Variants in PGR observed in about 807,000 individuals in gnomAD.
The protein encoded by PGR is nuclear receptor subfamily 3 group C member 3.
In PGR, 25 loss-of-function variants were observed where a neutral mutation model predicts 76.1. The ratio of observed to expected loss-of-function variants is 0.33; its 90% confidence interval spans 0.24 to 0.46. The LOEUF (loss-of-function observed/expected upper bound fraction) is 0.46. PGR is among the 20% of genes least tolerant of loss of function. PGR has a pLI of 1.00. For missense variants in PGR, 1,172 were observed against 1,225.3 expected (o/e 0.96, Z 0.65); for synonymous variants, 579 against 535.0 (o/e 1.08, Z -1.14).
chr11:101,070,008 AAAAGT>A (rs1329080388), intron 3 of PGR, among the ~76,000 whole-genome samples: 1 of 152,098 alleles, frequency 6.6e-6, no homozygotes, highest in African/African-American at 2.4e-5. Flanking sequence ...TAAAAAAAAA[AAAAGT>A]AGAGTGGTTG....
rs1162910909 is a variant in PGR, at chr11:101,031,567, A to T, written c.*7549T>A. The T allele has an allele frequency of 4.4e-6, 1 of 224,776 alleles. No homozygotes were observed. Among genetic ancestry groups the T allele is most frequent in the Non-Finnish European group, 8.8e-6 (1 of 113,244 alleles). 13.9% of individuals were successfully genotyped at this position (224,776 alleles called of 1,614,324 possible). On this transcript the variant is annotated 3_prime_UTR_variant, in exon 8 of 8. Transcript: ENST00000325455. ...AAGGCTGTGGAGGGCTCATGAAGTC[A>T]CAATGTTCTACTGAGAATTTAGCTT... is the stretch of plus-strand genomic sequence containing the variant.
intron 3 of PGR, among the ~76,000 whole-genome samples, chr11:101,082,374 T>C (rs968188406): frequency 6.6e-6 from 1 of 152,156 alleles, no homozygotes; most frequent in African/African-American, 2.4e-5. Flanking sequence ...AGAAGATACC[T>C]GAAAATGTGG....
intron 2 of PGR, among the ~76,000 whole-genome samples, chr11:101,102,953 C>T (rs1195783503): frequency 1.3e-5 from 2 of 151,910 alleles, no homozygotes; most frequent in Non-Finnish European, 2.9e-5. Context: ...AGGAGCACAA[C>T]CTAGATCCCT....
chr11:101,122,367 G>A (rs981092505), intron 2 of PGR, among the ~76,000 whole-genome samples: 2 of 152,224 alleles, frequency 1.3e-5, no homozygotes, highest in Admixed American at 6.5e-5. Context: ...ACTGGATCAT[G>A]TAGCAGTTAT....
At position 101,117,129 on chromosome 11, in the gene PGR, G is replaced by A. The variant is rs954392575; in HGVS notation, c.1789+8878C>T. Among the ~76,000 whole-genome samples, 2 of 152,188 alleles carry A rather than the reference G, an allele frequency of 1.3e-5. 1 individual carries two copies. Among genetic ancestry groups the A allele is most frequent in the African/African-American group, 4.8e-5 (2 of 41,542 alleles). ...GAGTTTCTAGAAGTAGAATTGTTGG[G>A]CCAAAGTAACGCATATTTTAATTGA... is the stretch of plus-strand genomic sequence containing the variant. On this transcript the variant is annotated intron_variant, in intron 2 of 7. Coordinates refer to ENST00000325455, the MANE Select transcript of PGR (RefSeq NM_000926.4).
chr11:101,125,265 T>A (rs2135509055), intron 2 of PGR, among the ~76,000 whole-genome samples: 1 of 80,042 alleles, frequency 1.2e-5, no homozygotes, highest in African/African-American at 3.4e-5. Context: ...TCTTTGAAAG[T>A]TAAAATCTGA....
intron 6 of PGR, among the ~76,000 whole-genome samples, chr11:101,042,841 C>A (rs779542884): frequency 6.6e-6 from 1 of 152,132 alleles, no homozygotes; most frequent in African/African-American, 2.4e-5. Flanking sequence ...AAGTGTGCAA[C>A]AGCATTATTT....
At chr11:101,071,173 C>G (rs2135424379) in intron 3 of PGR, among the ~76,000 whole-genome samples, 1 of 152,264 alleles carries the variant, frequency 6.6e-6, no homozygotes, top group East Asian at 1.9e-4. Flanking sequence ...TAGTGATACC[C>G]AGGCAAACAG....
Position 101,127,528 on chromosome 11 carries a change from G to C in PGR, c.1543C>G (p.Leu515Val), listed in dbSNP as rs766624974. ...AGCTGCGGGAGCCCGTTGAGGCCGA[G>C]TGCAGGGTAGAGCGCGGGGGCCGCC... ...AGAAPALYPA[L>V]GLNGLPQLGY... Residue 515 changes from leucine (L) to valine (V), a missense_variant, in exon 1 of 8, where the codon CTC becomes GTC. Around this residue, in one of 4 missense-constraint regions of PGR, gnomAD observed 893 missense variants for 785.9 expected, o/e 1.14. Coordinates refer to ENST00000325455, the MANE Select transcript of PGR (RefSeq NM_000926.4). 16 of 1,500,938 alleles carry C rather than the reference G, an allele frequency of 1.1e-5. No homozygotes were observed. In the Admixed American group the frequency reaches 3.5e-4, roughly 33 times the overall value. The allele number at this position is 1,500,938 out of a possible 1,614,324, so 93.0% of individuals were successfully genotyped here.
chr11:101,095,420 A>T (rs1237968285), intron 2 of PGR, among the ~76,000 whole-genome samples: 1 of 152,230 alleles, frequency 6.6e-6, no homozygotes. Context: ...ACAATTATTA[A>T]GCACTTACTA....
chr11:101,104,587 G>A (rs1471580719), intron 2 of PGR, among the ~76,000 whole-genome samples: 1 of 151,998 alleles, frequency 6.6e-6, no homozygotes, highest in Non-Finnish European at 1.5e-5. Flanking sequence ...CTACATAATT[G>A]GTGTTATTTC....
chr11:101,079,144 A>G (rs1197794188), intron 3 of PGR, among the ~76,000 whole-genome samples: 1 of 152,208 alleles, frequency 6.6e-6, no homozygotes, highest in Non-Finnish European at 1.5e-5. Flanking sequence ...AATCGATTAA[A>G]GACTTAAGTG....
intron 3 of PGR, among the ~76,000 whole-genome samples, chr11:101,090,096 G>A (rs1342667458): frequency 6.6e-6 from 1 of 152,146 alleles, no homozygotes; most frequent in African/African-American, 2.4e-5. Context: ...TACTTGGGAG[G>A]TTGTGGCAGG....
chr11:101,068,514 A>ATTACT (rs1860803753), intron 3 of PGR, among the ~76,000 whole-genome samples: 1 of 152,212 alleles, frequency 6.6e-6, no homozygotes. Flanking sequence ...TTAGAAAAAA[A>ATTACT]TTACTTTAAA....
chr11:101,070,728 G>A (rs907359241), intron 3 of PGR, among the ~76,000 whole-genome samples: 14 of 152,194 alleles, frequency 9.2e-5, no homozygotes, highest in Admixed American at 7.2e-4. Flanking sequence ...ACTGGGCAGA[G>A]CCCACTGCAG....
At chr11:101,110,781 G>A (rs1477860119) in intron 2 of PGR, among the ~76,000 whole-genome samples, 1 of 152,114 alleles carries the variant, frequency 6.6e-6, no homozygotes, top group African/African-American at 2.4e-5. Context: ...AACAGTCTAT[G>A]GATATGGTAA....
chr11:101,029,817 T>C lies in PGR; in HGVS notation c.*9299A>G, dbSNP rs1206450072. 7 of 219,572 alleles carry C rather than the reference T, an allele frequency of 3.2e-5. No individual in the cohort carries two copies. The highest frequency in any genetic ancestry group is 1.6e-4 in the African/African-American group (7 of 44,602). 13.6% of individuals were successfully genotyped at this position (219,572 alleles called of 1,614,324 possible). A position where few individuals can be genotyped will look rare whatever the true frequency, so the allele number is the denominator to read the frequency against. Reference sequence around the variant, plus strand: ...AAATATTTTCTCTGAAATCTACACTTAGTTTAAAAACAGAGATGGGATTTT... The same window carrying C: ...AAATATTTTCTCTGAAATCTACACTCAGTTTAAAAACAGAGATGGGATTTT... On this transcript the variant is annotated 3_prime_UTR_variant, in exon 8 of 8. Coordinates refer to ENST00000325455, the MANE Select transcript of PGR (RefSeq NM_000926.4).
chr11:101,114,561 A>T (rs1279761852), intron 2 of PGR, among the ~76,000 whole-genome samples: 1 of 152,164 alleles, frequency 6.6e-6, no homozygotes, highest in African/African-American at 2.4e-5. Context: ...CAAGCTATCT[A>T]ATCTCTGTAC....
chr11:101,067,363 A>C (rs1331253624), intron 3 of PGR, among the ~76,000 whole-genome samples: 1 of 152,216 alleles, frequency 6.6e-6, no homozygotes, highest in African/African-American at 2.4e-5. Flanking sequence ...AGAGGAAGAA[A>C]TATATAGATG....
Sources: allele counts gnomAD v4.1 joint callset (sites outside exome capture counted in the v4.1 genomes callset), GRCh38; gene constraint gnomAD v4.1.1; regional missense constraint gnomAD v4.1.1; transcripts MANE v1.5; gene names NCBI Gene and HGNC (gene_info 2026-07-23, HGNC 2026-07-21).